Variants in RTL4 observed in about 807,000 individuals in gnomAD.
RTL4 encodes retrotransposon Gag-like protein 4.
RTL4 carries 4 observed loss-of-function variants against 5.3 expected under a neutral mutation model. The observed-to-expected ratio is 0.75, with a 90% CI of 0.37 to 1.72. The LOEUF is 1.72. Among genes scored for constraint, RTL4 ranks in the 40% most tolerant of loss-of-function variants. RTL4 has a pLI of 0.04. For synonymous variants in RTL4, 98 were observed against 87.3 expected (o/e 1.12, Z -0.68); for missense variants, 260 against 227.1 (o/e 1.14, Z -0.93).
At chrX:112,329,153 A>T in the RTL4 span, among the ~76,000 whole-genome samples, 1 of 111,174 alleles carries the variant, frequency 9.0e-6, no homozygotes, top group Non-Finnish European at 1.9e-5. Context: ...AGAAATAACT[A>T]AAATCAGAGC....
At chrX:112,297,870 A>G in the RTL4 span, among the ~76,000 whole-genome samples, 1 of 112,281 alleles carries the variant, frequency 8.9e-6, no homozygotes, top group East Asian at 2.8e-4. Context: ...AGTACAAGCT[A>G]TAACTTTGTC....
chrX:112,257,613 G>A, the RTL4 span, among the ~76,000 whole-genome samples: 1 of 109,730 alleles, frequency 9.1e-6, no homozygotes, highest in Non-Finnish European at 1.9e-5. Context: ...GTTTTTCATA[G>A]ATGATGCTTT....
the RTL4 span, among the ~76,000 whole-genome samples, chrX:112,194,895 G>C: frequency 8.9e-6 from 1 of 112,224 alleles, no homozygotes; most frequent in Non-Finnish European, 1.9e-5. Flanking sequence ...AGGAAAGAGA[G>C]CTTAATGGAG....
At chrX:112,174,050 G>A in the RTL4 span, among the ~76,000 whole-genome samples, 30 of 93,397 alleles carry the variant, frequency 3.2e-4, no homozygotes, top group Middle Eastern at 5.8e-3. Flanking sequence ...TCTTATTTTC[G>A]TTTCTTTTTT....
chrX:112,198,969 T>C, the RTL4 span, among the ~76,000 whole-genome samples: 1 of 110,447 alleles, frequency 9.1e-6, no homozygotes, highest in African/African-American at 3.3e-5. Context: ...GGTAGAACAT[T>C]ACAAGCAGAG....
chrX:112,164,072 T>C, the RTL4 span, among the ~76,000 whole-genome samples: 1 of 111,833 alleles, frequency 8.9e-6, no homozygotes, highest in East Asian at 2.8e-4. Context: ...AAAACTCAAA[T>C]CCAGAGGTCT....
the RTL4 span, among the ~76,000 whole-genome samples, chrX:112,292,949 T>A: frequency 8.9e-6 from 1 of 112,185 alleles, no homozygotes; most frequent in South Asian, 3.7e-4. Flanking sequence ...CCCAAGAACA[T>A]ATCTACTGTG....
At chrX:112,453,032 C>A (rs201457223), upstream of RTL4, among the ~76,000 whole-genome samples, 11 of 96,057 alleles carry the variant, frequency 1.1e-4, no homozygotes, top group East Asian at 3.3e-4. Context: ...GACTCTGTCT[C>A]AAAAAAAAAA....
the RTL4 span, among the ~76,000 whole-genome samples, chrX:112,164,954 C>T: frequency 8.9e-6 from 1 of 112,069 alleles, no homozygotes; most frequent in East Asian, 2.8e-4. Flanking sequence ...TAAACAACTT[C>T]ATCTCCAGCC....
At chrX:112,425,615 G>T in the RTL4 span, among the ~76,000 whole-genome samples, 2 of 111,173 alleles carry the variant, frequency 1.8e-5, no homozygotes, top group African/African-American at 6.5e-5. Context: ...GGGATTTTTG[G>T]CTACTCTAAT....
the RTL4 span, among the ~76,000 whole-genome samples, chrX:112,190,792 G>C: frequency 2.7e-5 from 3 of 112,040 alleles, no homozygotes; most frequent in African/African-American, 9.7e-5. Flanking sequence ...TGAAATAGCT[G>C]TCTGATGGAA....
chrX:112,344,550 TACTC>T, the RTL4 span, among the ~76,000 whole-genome samples: 78 of 110,915 alleles, frequency 7.0e-4, no homozygotes, highest in Non-Finnish European at 1.3e-3. Flanking sequence ...CATGAGAACT[TACTC>T]ACTGTCATGA....
chrX:112,135,496 T>C, the RTL4 span, among the ~76,000 whole-genome samples: 1 of 111,640 alleles, frequency 9.0e-6, no homozygotes, highest in Admixed American at 9.6e-5. Flanking sequence ...CATTCTCTTA[T>C]CAGCCTCTTT....
At chrX:112,353,901 G>T in the RTL4 span, among the ~76,000 whole-genome samples, 3 of 111,404 alleles carry the variant, frequency 2.7e-5, no homozygotes, top group South Asian at 1.1e-3. Context: ...AGAAAGGGAA[G>T]ACAAATGATT....
the RTL4 span, among the ~76,000 whole-genome samples, chrX:112,131,237 G>GTTTTTTTTT: frequency 1.0e-5 from 1 of 99,651 alleles, no homozygotes; most frequent in African/African-American, 3.9e-5. Context: ...TTTTTTACCA[G>GTTTTTTTTT]TTTCTGCTTT....
At chrX:112,387,138 C>T in the RTL4 span, among the ~76,000 whole-genome samples, 18 of 110,328 alleles carry the variant, frequency 1.6e-4, no homozygotes, top group Non-Finnish European at 9.5e-5. Flanking sequence ...ATACATTTGT[C>T]GGCCATTTGT....
chrX:112,432,867 C>T, the RTL4 span, among the ~76,000 whole-genome samples: 5 of 111,625 alleles, frequency 4.5e-5, no homozygotes, highest in East Asian at 2.8e-4. Context: ...GGTTTTAAGT[C>T]GAATGTTTAA....
At chrX:112,316,929 C>T in the RTL4 span, among the ~76,000 whole-genome samples, 1 of 111,811 alleles carries the variant, frequency 8.9e-6, no homozygotes, top group African/African-American at 3.2e-5. Flanking sequence ...AGCCACATGT[C>T]GCTGTAAATA....
At chrX:112,431,044 A>ATAAT in the RTL4 span, among the ~76,000 whole-genome samples, 5 of 111,879 alleles carry the variant, frequency 4.5e-5, no homozygotes, top group African/African-American at 1.3e-4. Context: ...CAGCCCTTTA[A>ATAAT]TAAGCATATG....
Sources: allele counts gnomAD v4.1 joint callset (sites outside exome capture counted in the v4.1 genomes callset), GRCh38; gene constraint gnomAD v4.1.1; transcripts MANE v1.5; gene names NCBI Gene and HGNC (gene_info 2026-07-23, HGNC 2026-07-21).